The following TMEM41B variants were observed in gnomAD, a reference collection of about 807,000 sequenced individuals.
TMEM41B encodes protein stasimon.
In TMEM41B, 18 loss-of-function variants were observed where a neutral mutation model predicts 31.9. That is an observed-to-expected ratio of 0.56 (90% CI 0.39 to 0.84). The LOEUF (loss-of-function observed/expected upper bound fraction) is 0.84. Ranked by LOEUF, TMEM41B falls within the 40% of genes least tolerant of loss-of-function variation. The probability of loss-of-function intolerance (pLI) is 0.00; values close to 1 mark genes in which losing one functional copy is unlikely to be tolerated. For synonymous variants in TMEM41B, 144 were observed against 124.3 expected (o/e 1.16, Z -1.05); for missense variants, 322 against 348.0 (o/e 0.93, Z 0.59).
At chr11:9,311,270 G>C in intron 1 of TMEM41B, 1 of 1,506,908 alleles carries the variant, frequency 6.6e-7, no homozygotes, top group Non-Finnish European at 9.0e-7. Context: ...AAGGACCCAG[G>C]GCCTGTATTC....
At chr11:9,299,282 CAAAAA>C (rs1180036082) in intron 2 of TMEM41B, among the ~76,000 whole-genome samples, 115 of 41,708 alleles carry the variant, frequency 2.8e-3, no homozygotes, top group Non-Finnish European at 3.9e-3. Flanking sequence ...GACTCTGTCT[CAAAAA>C]AAAAAAAAAA....
rs1364984318 is a variant in TMEM41B at position 9,314,374 on chromosome 11, C to A, written c.68G>T (p.Gly23Val). Residue 23 changes from glycine (G) to valine (V), a missense_variant, in exon 1 of 7, where the codon GGG (glycine) becomes GTG (valine). Gly to Val is a moderately radical substitution (Grantham distance 109). Transcript: ENST00000528080. The stretch of plus-strand genomic sequence containing the variant: ...CGCGAGACCCCGCGTCCCCGCTGCC[C>A]CGTCCCCCACGGGGGTCGTGTGGTG... Reference protein sequence around the residue: ...GAHHTTPVGDGAAGTRGLAAP... With the variant: ...GAHHTTPVGDVAAGTRGLAAP... 4 of 1,581,940 alleles carry A rather than the reference C, an allele frequency of 2.5e-6. No individual in the cohort carries two copies. The East Asian group carries it at 9.4e-5, about 37-fold the overall frequency.
rs1852757157 is a variant in TMEM41B, at chr11:9,283,036, G to C, written c.*388C>G. The stretch of plus-strand genomic sequence containing the variant: ...AAAAAGCCTAACATTAACAAAACCT[G>C]CAACACTACTTTAAAAAATCTAGAA... On this transcript the variant is annotated 3_prime_UTR_variant, in exon 7 of 7. Coordinates refer to ENST00000528080, the MANE Select transcript of TMEM41B (RefSeq NM_015012.4). 1 of 151,126 alleles carries C rather than the reference G, an allele frequency of 6.6e-6. No homozygotes were observed. The highest frequency in any genetic ancestry group is 6.6e-5 in the Admixed American group (1 of 15,142). The allele number at this position is 151,126 out of a possible 1,614,324, so 9.4% of individuals were successfully genotyped here.
chr11:9,310,042 T>C (rs1308429723), intron 1 of TMEM41B, among the ~76,000 whole-genome samples: 2 of 145,016 alleles, frequency 1.4e-5, no homozygotes. Flanking sequence ...ATTATTATTA[T>C]TATTTTTTTT....
rs878990886 is a variant in TMEM41B at position 9,283,454 on chromosome 11, G to A, written c.846C>T (p.Phe282=). Residue 282 remains phenylalanine, a synonymous_variant, in exon 7 of 7, where the codon TTC becomes TTT. Coordinates refer to ENST00000528080, the MANE Select transcript of TMEM41B (RefSeq NM_015012.4). ...CAAATTTCTGCTTTAGTTTTTTTTG[G>A]AAGATGGCTGGCAGAATAGAAAGAA... The part of the protein sequence containing the change: ...LAVLSILPAI[F]QKKLKQKFE 6.3e-7 allele frequency: 1 copy of A among 1,597,654 alleles called. No homozygotes were observed. The highest frequency in any genetic ancestry group is 1.4e-5 in the African/African-American group (1 of 73,864).
chr11:9,293,728 T>G (rs528893120), intron 3 of TMEM41B, among the ~76,000 whole-genome samples: 1 of 152,052 alleles, frequency 6.6e-6, no homozygotes, highest in African/African-American at 2.4e-5. Context: ...ATTACAGGCA[T>G]GCAATCACCA....
At chr11:9,297,283 C>G (rs969113540) in intron 2 of TMEM41B, among the ~76,000 whole-genome samples, 1 of 152,164 alleles carries the variant, frequency 6.6e-6, no homozygotes, top group Admixed American at 6.5e-5. Context: ...TGGGGTTTCT[C>G]CACGTTAGCC....
intron 1 of TMEM41B, among the ~76,000 whole-genome samples, chr11:9,304,257 T>C (rs776178394): frequency 2.6e-5 from 4 of 152,186 alleles, no homozygotes; most frequent in Non-Finnish European, 4.4e-5. Context: ...CAGAATCTTG[T>C]AATAACAAAT....
At chr11:9,307,081 G>GA (rs777835404) in intron 1 of TMEM41B, among the ~76,000 whole-genome samples, 9 of 151,898 alleles carry the variant, frequency 5.9e-5, no homozygotes, top group Non-Finnish European at 1.2e-4. Context: ...AATCCATCCT[G>GA]AAAAATAATT....
In TMEM41B at chr11:9,283,112, TG is replaced by T. The variant is rs1170901097; in HGVS notation, c.*311del. The T allele has an allele frequency of 1.1e-5, 2 of 175,902 alleles. No homozygotes were observed. Among genetic ancestry groups the T allele is most frequent in the African/African-American group, 4.7e-5 (2 of 42,492 alleles). The allele number at this position is 175,902 out of a possible 1,614,324, so 10.9% of individuals were successfully genotyped here. On this transcript the variant is annotated 3_prime_UTR_variant, in exon 7 of 7. Coordinates refer to ENST00000528080, the MANE Select transcript of TMEM41B (RefSeq NM_015012.4). ...AAAGATAAAAAATATTCAATTAAAT[TG>T]AATGAATTAGCTGGATCAACAATTT...
intron 1 of TMEM41B, among the ~76,000 whole-genome samples, chr11:9,301,856 C>A (rs1187438437): frequency 1.3e-5 from 2 of 152,114 alleles, no homozygotes; most frequent in African/African-American, 4.8e-5. Flanking sequence ...TATCAGAAAA[C>A]AAGAAAGGTT....
rs1852888869 is a variant in TMEM41B, at chr11:9,288,631, T to A, written c.369-96A>T. Reference sequence around the variant, plus strand: ...GAAAAAAGTATAAATACAAAAATTATCATACAATGAGATTATATCCAAAGG... The same window carrying A: ...GAAAAAAGTATAAATACAAAAATTAACATACAATGAGATTATATCCAAAGG... On this transcript the variant is annotated intron_variant, in intron 3 of 6. Coordinates refer to ENST00000528080, the MANE Select transcript of TMEM41B (RefSeq NM_015012.4). 7.2e-5 allele frequency: 61 copies of A among 851,090 alleles called. No homozygotes were observed. In the South Asian group the frequency reaches 1.1e-3, roughly 16 times the overall value. 52.7% of individuals were successfully genotyped at this position (851,090 alleles called of 1,614,324 possible). A position where few individuals can be genotyped will look rare whatever the true frequency, so the allele number is the denominator to read the frequency against.
chr11:9,293,630 G>A (rs1853008374), intron 3 of TMEM41B, among the ~76,000 whole-genome samples: 1 of 152,000 alleles, frequency 6.6e-6, no homozygotes, highest in Non-Finnish European at 1.5e-5. Flanking sequence ...CACCAAGGCT[G>A]GAGTGCAGTG....
intron 6 of TMEM41B, among the ~76,000 whole-genome samples, chr11:9,284,820 T>C (rs1021511489): frequency 2.0e-5 from 3 of 151,872 alleles, no homozygotes; most frequent in African/African-American, 4.8e-5. Context: ...AAGGTCAAGA[T>C]ACTCAAAGTG....
chr11:9,291,646 C>G (rs1466898370), intron 3 of TMEM41B, among the ~76,000 whole-genome samples: 1 of 151,674 alleles, frequency 6.6e-6, no homozygotes, highest in African/African-American at 2.4e-5. Flanking sequence ...GTGATCCACC[C>G]CGCTTGGCCT....
At chr11:9,306,737 A>G (rs1259451305) in intron 1 of TMEM41B, among the ~76,000 whole-genome samples, 2 of 152,100 alleles carry the variant, frequency 1.3e-5, no homozygotes, top group Admixed American at 6.5e-5. Flanking sequence ...GACGTTCAAC[A>G]TGTTTTTCTA....
chr11:9,304,190 G>C (rs181117423), intron 1 of TMEM41B, among the ~76,000 whole-genome samples: 9 of 152,212 alleles, frequency 5.9e-5, no homozygotes, highest in African/African-American at 1.9e-4. Flanking sequence ...TTGGAACACA[G>C]AGAATTAAAA....
chr11:9,286,359 A>G, intron 6 of TMEM41B, 96 bp downstream of exon 6: 1 of 1,273,902 alleles, frequency 7.8e-7, no homozygotes, highest in Non-Finnish European at 1.1e-6. Context: ...TGGTGCTGGC[A>G]TAATCTGCAG....
At chr11:9,293,455 CATATT>C (rs57614643) in intron 3 of TMEM41B, among the ~76,000 whole-genome samples, 59,546 of 151,746 alleles carry the variant, frequency 0.39, 12,495 homozygotes, top group East Asian at 0.5. Context: ...TGAGTGTACT[CATATT>C]ATCCCCTTCT....
Sources: gnomAD v4.1 joint callset for allele counts (sites outside exome capture counted in the v4.1 genomes callset) on GRCh38, gnomAD v4.1.1 for gene constraint, MANE v1.5 for transcripts, NCBI Gene and HGNC (gene_info 2026-07-23, HGNC 2026-07-21) for gene names.